The following CAMK2D variants were observed in gnomAD, a reference collection of about 807,000 sequenced individuals.
CAMK2D encodes calcium/calmodulin dependent protein kinase II delta.
Under a neutral mutation model 84.0 loss-of-function variants are expected in CAMK2D, and 37 were observed. The ratio of observed to expected loss-of-function variants is 0.44; its 90% CI spans 0.34 to 0.58. CAMK2D has a LOEUF of 0.58. CAMK2D is among the 20% of genes least tolerant of loss of function. The probability of loss-of-function intolerance (pLI) is 0.02; values close to 1 mark genes in which losing one functional copy is unlikely to be tolerated. For synonymous variants in CAMK2D, 202 were observed against 212.5 expected (o/e 0.95, Z 0.43); for missense variants, 448 against 652.5 (o/e 0.69, Z 3.41).
intron 4 of CAMK2D, among the ~76,000 whole-genome samples, chr4:113,593,394 G>A (rs1020571080): frequency 6.6e-6 from 1 of 152,114 alleles, no homozygotes; most frequent in Non-Finnish European, 1.5e-5. Context: ...AGAAATCCAC[G>A]AGCAGAAACC....
At chr4:113,558,686 G>GTA (rs761482341) in intron 4 of CAMK2D, among the ~76,000 whole-genome samples, 13 of 151,964 alleles carry the variant, frequency 8.6e-5, no homozygotes, top group Admixed American at 1.3e-4. Context: ...TGTCATGTGT[G>GTA]TATATATATA....
chr4:113,471,797 C>A (rs543047264), intron 16 of CAMK2D, among the ~76,000 whole-genome samples: 7 of 152,114 alleles, frequency 4.6e-5, no homozygotes, highest in Non-Finnish European at 7.4e-5. Flanking sequence ...TGTCCCCCAC[C>A]CCTTTAAGGT....
chr4:113,750,758 C>A (rs1444061956), intron 2 of CAMK2D, among the ~76,000 whole-genome samples: 1 of 152,142 alleles, frequency 6.6e-6, no homozygotes, highest in East Asian at 1.9e-4. Flanking sequence ...CGCCTGTAAT[C>A]CCAGGACTTT....
intron 16 of CAMK2D, among the ~76,000 whole-genome samples, chr4:113,482,956 G>A (rs538270561): frequency 5.9e-5 from 9 of 152,128 alleles, no homozygotes; most frequent in African/African-American, 2.2e-4. Flanking sequence ...ATAATGGATT[G>A]GCAAACTCTG....
intron 2 of CAMK2D, chr4:113,754,422 T>A: frequency 1.0e-6 from 1 of 954,538 alleles, no homozygotes; most frequent in Non-Finnish European, 1.2e-6. Flanking sequence ...TTTCTAGTAA[T>A]TCGTGATTAT....
At chr4:113,671,114 T>G (rs948274639) in intron 2 of CAMK2D, among the ~76,000 whole-genome samples, 1 of 152,214 alleles carries the variant, frequency 6.6e-6, no homozygotes, top group Non-Finnish European at 1.5e-5. Flanking sequence ...TCCTAAGAAT[T>G]AAGTACACGA....
At chr4:113,637,899 A>G (rs571175443) in intron 3 of CAMK2D, among the ~76,000 whole-genome samples, 2 of 152,328 alleles carry the variant, frequency 1.3e-5, no homozygotes, top group East Asian at 3.9e-4. Context: ...AAATCTTTAT[A>G]CAGTTTCCAG....
chr4:113,710,395 T>C (rs1035115226), intron 2 of CAMK2D, among the ~76,000 whole-genome samples: 1 of 152,172 alleles, frequency 6.6e-6, no homozygotes, highest in Non-Finnish European at 1.5e-5. Context: ...AGAGACCTTC[T>C]GAGCTCCTAG....
In CAMK2D at chr4:113,505,025, T is replaced by A; in HGVS notation, c.995A>T (p.Lys332Ile). The change falls in exon 14 of 21, where the codon AAA (lysine) becomes ATA (isoleucine). Residue 332 changes from lysine to isoleucine, a missense_variant. This residue lies in a region of CAMK2D where 219 missense variants were observed against 272.1 expected (regional missense o/e 0.80). Coordinates refer to ENST00000511664, the MANE Select transcript of CAMK2D (RefSeq NM_001321571.2). ...KKPDGVKINN[K>I]ANVVTSPKEN... is the part of the protein sequence containing the mutation. ...TTTGGGGCTGGTTACCACGTTGGCTTTGTTGTTTATCTGTGGGTATGCAGA... is the reference window on the plus strand; with the variant it reads ...TTTGGGGCTGGTTACCACGTTGGCTATGTTGTTTATCTGTGGGTATGCAGA... 6.3e-7 allele frequency: 1 copy of A among 1,580,230 alleles called. No homozygotes were observed. The highest frequency in any genetic ancestry group is 8.5e-7 in the Non-Finnish European group (1 of 1,170,334).
intron 13 of CAMK2D, among the ~76,000 whole-genome samples, chr4:113,506,899 C>A (rs73841649): frequency 0.094 from 14,121 of 150,014 alleles, 924 homozygotes; most frequent in East Asian, 0.22. Flanking sequence ...GTTCCCCCCC[C>A]CACACACACA....
At chr4:113,703,687 T>G (rs776046478) in intron 2 of CAMK2D, among the ~76,000 whole-genome samples, 28 of 152,286 alleles carry the variant, frequency 1.8e-4, no homozygotes, top group Middle Eastern at 3.4e-3. Flanking sequence ...AAAATCAAAA[T>G]TTTTTAAGTT....
At chr4:113,506,136 A>G (rs1218824538) in intron 13 of CAMK2D, among the ~76,000 whole-genome samples, 2 of 152,136 alleles carry the variant, frequency 1.3e-5, no homozygotes, top group Non-Finnish European at 2.9e-5. Flanking sequence ...ATAAATGAGT[A>G]TCAAATGAGC....
chr4:113,549,887 T>A (rs2098611150), intron 5 of CAMK2D, among the ~76,000 whole-genome samples: 1 of 152,176 alleles, frequency 6.6e-6, no homozygotes, highest in Non-Finnish European at 1.5e-5. Flanking sequence ...ACTAAAAGCG[T>A]CTCACATTCA....
chr4:113,478,541 T>A (rs992317062), intron 16 of CAMK2D, among the ~76,000 whole-genome samples: 4 of 152,224 alleles, frequency 2.6e-5, no homozygotes, highest in Non-Finnish European at 5.9e-5. Flanking sequence ...CAATCTCATA[T>A]GCTCACACTC....
intron 16 of CAMK2D, among the ~76,000 whole-genome samples, chr4:113,481,512 C>T (rs1274185502): frequency 2.6e-5 from 4 of 152,108 alleles, no homozygotes; most frequent in African/African-American, 9.7e-5. Flanking sequence ...CAGAGTCTCA[C>T]TCTGCTGCCC....
chr4:113,715,034 T>C (rs2099509316), intron 2 of CAMK2D, among the ~76,000 whole-genome samples: 2 of 152,176 alleles, frequency 1.3e-5, no homozygotes, highest in South Asian at 2.1e-4. Flanking sequence ...CTTTCAATGA[T>C]ACTTTAAAAT....
At chr4:113,591,063 A>T (rs998354886) in intron 4 of CAMK2D, among the ~76,000 whole-genome samples, 2 of 152,176 alleles carry the variant, frequency 1.3e-5, no homozygotes, top group Admixed American at 6.5e-5. Context: ...TAGTTAGTAA[A>T]GGGAAGGAAG....
chr4:113,564,591 A>G (rs993373013), intron 4 of CAMK2D, among the ~76,000 whole-genome samples: 2 of 152,076 alleles, frequency 1.3e-5, no homozygotes, highest in African/African-American at 4.8e-5. Flanking sequence ...TGTCTTACTT[A>G]TTTTTGGTAT....
intron 2 of CAMK2D, among the ~76,000 whole-genome samples, chr4:113,702,242 T>C (rs954793114): frequency 6.6e-6 from 1 of 152,222 alleles, no homozygotes; most frequent in Non-Finnish European, 1.5e-5. Context: ...TCTACCCTCA[T>C]AACTTCTTTA....
Sources: gnomAD v4.1 joint callset for allele counts (sites outside exome capture counted in the v4.1 genomes callset) on GRCh38, gnomAD v4.1.1 for gene constraint, gnomAD v4.1.1 regional missense constraint, MANE v1.5 for transcripts, NCBI Gene and HGNC (gene_info 2026-07-23, HGNC 2026-07-21) for gene names.